NID1: variants seen among roughly 807,000 people sequenced by gnomAD.
NID1 encodes nidogen 1, also known as nidogen-1.
Under a neutral mutation model 130.6 loss-of-function variants are expected in NID1, and 76 were observed. The ratio of observed to expected loss-of-function variants is 0.58; its 90% CI spans 0.48 to 0.70. The LOEUF (loss-of-function observed/expected upper bound fraction) is 0.70, where lower values mean the gene tolerates loss of function less well. NID1 is among the 30% of genes least tolerant of loss of function. The pLI is 0.00. For missense variants in NID1, 1,517 were observed against 1,664.8 expected (o/e 0.91, Z 1.54); for synonymous variants, 665 against 675.1 (o/e 0.98, Z 0.23).
chr1:236,018,730 C>A (rs1658671432), intron 9 of NID1, among the ~76,000 whole-genome samples: 1 of 152,216 alleles, frequency 6.6e-6, no homozygotes, highest in South Asian at 2.1e-4. Context: ...TGAGCCACAG[C>A]CCCTAGCCTA....
chr1:235,993,923 C>T (rs2102801913), intron 12 of NID1, 51 bp from the exon 13 acceptor site: 9 of 1,536,866 alleles, frequency 5.9e-6, no homozygotes, highest in Non-Finnish European at 7.1e-6. Flanking sequence ...CATCCGTCAG[C>T]GCTCCCTGGC....
chr1:235,993,574 C>A, intron 13 of NID1, 71 bp downstream of exon 13: 1 of 1,290,804 alleles, frequency 7.7e-7, no homozygotes, highest in Non-Finnish European at 1.0e-6. Context: ...GAGCAAAGAG[C>A]GTGTTCAGCA....
chr1:235,987,050 T>G (rs117511411), intron 14 of NID1, among the ~76,000 whole-genome samples: 1 of 152,236 alleles, frequency 6.6e-6, no homozygotes, highest in African/African-American at 2.4e-5. Context: ...GAAGCAAAGT[T>G]GAGTAACATT....
chr1:236,059,301 G>T (rs1187659265), intron 1 of NID1, among the ~76,000 whole-genome samples: 1 of 151,954 alleles, frequency 6.6e-6, no homozygotes, highest in African/African-American at 2.4e-5. Context: ...AACAAAATGA[G>T]TCCAAAAAAA....
At chr1:236,037,725 A>G (rs1246664578) in intron 5 of NID1, among the ~76,000 whole-genome samples, 1 of 152,174 alleles carries the variant, frequency 6.6e-6, no homozygotes, top group African/African-American at 2.4e-5. Flanking sequence ...AGAAAAAAAT[A>G]CATGAAAGAG....
rs1034339742 is a variant in NID1 at position 236,021,497 on chromosome 1, T to C, written c.2128+2573A>G. Reference sequence around the variant, plus strand: ...CTATGAAGCCAACACCGCGAGGCCCTGACAGCAGGATCTTCTAACCTTCAT... The same window carrying C: ...CTATGAAGCCAACACCGCGAGGCCCCGACAGCAGGATCTTCTAACCTTCAT... On this transcript the variant is annotated intron_variant, in intron 9 of 19. Coordinates refer to ENST00000264187, the MANE Select transcript of NID1 (RefSeq NM_002508.3). 1.6e-4 allele frequency among the ~76,000 whole-genome samples: 25 copies of C among 152,202 alleles called. 1 individual carries two copies. The highest frequency in any genetic ancestry group is 1.4e-3 in the Admixed American group (21 of 15,276).
At chr1:236,057,255 T>C (rs1209384231) in intron 1 of NID1, among the ~76,000 whole-genome samples, 1 of 151,814 alleles carries the variant, frequency 6.6e-6, no homozygotes, top group African/African-American at 2.4e-5. Flanking sequence ...AGAGAATCCA[T>C]CTCAAAAAAG....
rs2102790678 is a variant in NID1 at position 235,979,706 on chromosome 1, G to A, written c.3509+116C>T. ...GGGAGAGGGGACATCTCTAGAGGGG[G>A]CATTTCTGGAGGCTCAAAAGTCAAG... On this transcript the variant is annotated intron_variant, in intron 18 of 19. Coordinates refer to ENST00000264187, the MANE Select transcript of NID1 (RefSeq NM_002508.3). This position sits in a 1 kb window ranked among gnomAD's most constrained non-coding sequence, Gnocchi z 4.6. 1.8e-6 allele frequency: 2 copies of A among 1,116,306 alleles called. No homozygotes were observed. Among genetic ancestry groups the A allele is most frequent in the African/African-American group, 1.5e-5 (1 of 64,970 alleles). 69.2% of individuals were successfully genotyped at this position (1,116,306 alleles called of 1,614,324 possible).
intron 8 of NID1, 121 bp from the exon 9 acceptor site, chr1:236,024,334 A>G: frequency 8.5e-7 from 1 of 1,177,674 alleles, no homozygotes; most frequent in Non-Finnish European, 1.2e-6. Flanking sequence ...AGCAGAGTGG[A>G]ATGGGACACC....
chr1:236,043,034 G>A (rs1659499272), intron 3 of NID1, among the ~76,000 whole-genome samples: 1 of 152,196 alleles, frequency 6.6e-6, no homozygotes, highest in Non-Finnish European at 1.5e-5. Context: ...GGTTCAGAGA[G>A]CTTCTGGGTT....
intron 9 of NID1, among the ~76,000 whole-genome samples, chr1:236,022,680 T>C (rs958915760): frequency 1.3e-5 from 2 of 151,746 alleles, no homozygotes; most frequent in African/African-American, 2.4e-5. Flanking sequence ...TTCAAGGAGA[T>C]GGAGAAATTG....
chr1:235,986,350 T>A (rs114184933), intron 14 of NID1, among the ~76,000 whole-genome samples: 30 of 152,054 alleles, frequency 2.0e-4, no homozygotes, highest in Non-Finnish European at 3.8e-4. Context: ...CTAGCAAGGA[T>A]GCAAGATACA....
chr1:236,037,891 A>C (rs1048617443), intron 5 of NID1, among the ~76,000 whole-genome samples: 3 of 152,150 alleles, frequency 2.0e-5, no homozygotes, highest in African/African-American at 7.2e-5. Context: ...ACAGGAAAGG[A>C]AGACTTTGCC....
chr1:235,985,781 T>C (rs944067855), intron 14 of NID1, among the ~76,000 whole-genome samples: 5 of 152,044 alleles, frequency 3.3e-5, no homozygotes, highest in Non-Finnish European at 5.9e-5. Context: ...TATGTATTTT[T>C]TGAGACAGGG....
chr1:235,981,503 T>G lies in NID1; in HGVS notation c.3227+108A>C, dbSNP rs1169983687. On this transcript the variant is annotated intron_variant, in intron 16 of 19. Coordinates refer to ENST00000264187, the MANE Select transcript of NID1 (RefSeq NM_002508.3). ...AACTGTAGACTCTTTCGTCCCGTACTCATTAATTTCAGGAGACCAATGCTG... is the reference window on the plus strand; with the variant it reads ...AACTGTAGACTCTTTCGTCCCGTACGCATTAATTTCAGGAGACCAATGCTG... The G allele has an allele frequency of 2.5e-6, 3 of 1,219,896 alleles. No individual in the cohort carries two copies. The African/African-American group carries it at 4.5e-5, about 18-fold the overall frequency. 75.6% of individuals were successfully genotyped at this position (1,219,896 alleles called of 1,614,324 possible).
At chr1:236,002,392 A>G (rs1360977440) in intron 12 of NID1, among the ~76,000 whole-genome samples, 1 of 152,114 alleles carries the variant, frequency 6.6e-6, no homozygotes, top group African/African-American at 2.4e-5. Flanking sequence ...AATCCCAGCT[A>G]CTCGGGAGAT....
chr1:236,002,452 G>C (rs1345342820), intron 12 of NID1, among the ~76,000 whole-genome samples: 1 of 152,162 alleles, frequency 6.6e-6, no homozygotes, highest in Non-Finnish European at 1.5e-5. Flanking sequence ...GCAGTGAGCC[G>C]AGATGGCACC....
intron 4 of NID1, among the ~76,000 whole-genome samples, chr1:236,038,981 ATG>A (rs1659357757): frequency 7.1e-6 from 1 of 140,768 alleles, no homozygotes; most frequent in East Asian, 2.0e-4. Flanking sequence ...ATATGTAAAT[ATG>A]TACATATACA....
chr1:235,984,780 A>G (rs1220609929), intron 15 of NID1, among the ~76,000 whole-genome samples: 7 of 152,194 alleles, frequency 4.6e-5, no homozygotes, highest in Admixed American at 1.3e-4. Context: ...CCCATGTAAA[A>G]CAGTCTTGAT....
Sources: allele counts gnomAD v4.1 joint callset (sites outside exome capture counted in the v4.1 genomes callset), GRCh38; gene constraint gnomAD v4.1.1; non-coding constraint Gnocchi (gnomAD v3.1); transcripts MANE v1.5; gene names NCBI Gene and HGNC (gene_info 2026-07-23, HGNC 2026-07-21).